The following NRXN3 variants were observed in gnomAD, a reference collection of about 807,000 sequenced individuals.
The protein encoded by NRXN3 is neurexin III.
NRXN3 carries 32 observed loss-of-function variants against 137.6 expected under a neutral mutation model. That is an observed-to-expected ratio of 0.23 (90% confidence interval 0.18 to 0.31). NRXN3 has a LOEUF of 0.31. NRXN3 is among the 10% of genes least tolerant of loss of function. The pLI is 1.00. For synonymous variants in NRXN3, 798 were observed against 784.5 expected (o/e 1.02, Z -0.29); for missense variants, 1,574 against 2,062.5 (o/e 0.76, Z 4.59).
chr14:79,633,847 C>G (rs763484448), intron 16 of NRXN3, among the ~76,000 whole-genome samples: 1 of 152,092 alleles, frequency 6.6e-6, no homozygotes, highest in Admixed American at 6.6e-5. Context: ...GCCAACTGGC[C>G]TGTTTTAACC....
intron 16 of NRXN3, among the ~76,000 whole-genome samples, chr14:79,468,243 A>G (rs1464009404): frequency 6.6e-6 from 1 of 152,234 alleles, no homozygotes; most frequent in East Asian, 1.9e-4. Context: ...TTCTTTTGTT[A>G]TAAGGATGGA....
chr14:78,188,000 T>C (rs1312506876), intron 1 of NRXN3, among the ~76,000 whole-genome samples: 1 of 152,142 alleles, frequency 6.6e-6, no homozygotes, highest in Non-Finnish European at 1.5e-5. Context: ...GAGTATTCGG[T>C]AAATTAACAC....
chr14:79,250,548 C>T (rs2075792234), intron 15 of NRXN3, among the ~76,000 whole-genome samples: 1 of 152,066 alleles, frequency 6.6e-6, no homozygotes, highest in African/African-American at 2.4e-5. Context: ...GTAAGGAAGC[C>T]AAGACACAAA....
intron 15 of NRXN3, among the ~76,000 whole-genome samples, chr14:79,205,638 G>C (rs2066678278): frequency 6.6e-6 from 1 of 152,124 alleles, no homozygotes; most frequent in African/African-American, 2.4e-5. Flanking sequence ...AGTCCTAATA[G>C]AGCATAATGG....
chr14:79,316,717 A>G (rs1024082621), intron 15 of NRXN3, among the ~76,000 whole-genome samples: 2 of 132,538 alleles, frequency 1.5e-5, no homozygotes, highest in African/African-American at 6.5e-5. Context: ...TCATCATGTA[A>G]TCTGTCCTGT....
chr14:78,513,492 A>G (rs551461917), intron 4 of NRXN3, among the ~76,000 whole-genome samples: 2 of 152,158 alleles, frequency 1.3e-5, no homozygotes, highest in Non-Finnish European at 2.9e-5. Flanking sequence ...ATTGTTAATT[A>G]TAGTTTTCGA....
intron 4 of NRXN3, among the ~76,000 whole-genome samples, chr14:78,477,116 A>C (rs1418206679): frequency 1.3e-5 from 2 of 152,106 alleles, no homozygotes; most frequent in Admixed American, 6.5e-5. Flanking sequence ...ATTCTCTTCT[A>C]TGTCTCTGGG....
At chr14:78,257,966 A>G (rs2069954109) in intron 2 of NRXN3, among the ~76,000 whole-genome samples, 1 of 152,158 alleles carries the variant, frequency 6.6e-6, no homozygotes, top group South Asian at 2.1e-4. Context: ...CTGATTGCAG[A>G]GATATCAAGG....
At chr14:79,134,017 T>C (rs1036624250) in intron 15 of NRXN3, among the ~76,000 whole-genome samples, 1 of 151,992 alleles carries the variant, frequency 6.6e-6, no homozygotes, top group African/African-American at 2.4e-5. Context: ...TGACAACCAG[T>C]GGTGTCCTCA....
At chr14:78,746,663 T>G (rs2098608829) in intron 8 of NRXN3, among the ~76,000 whole-genome samples, 1 of 152,166 alleles carries the variant, frequency 6.6e-6, no homozygotes, top group African/African-American at 2.4e-5. Flanking sequence ...AAATGTGAAC[T>G]AAATAGGACT....
At chr14:78,807,907 A>T (rs929375877) in intron 9 of NRXN3, among the ~76,000 whole-genome samples, 2 of 152,104 alleles carry the variant, frequency 1.3e-5, no homozygotes, top group African/African-American at 4.8e-5. Flanking sequence ...TTTTTCAAGC[A>T]AAAAGTCTGG....
At chr14:79,653,594 T>G (rs887820213) in intron 16 of NRXN3, among the ~76,000 whole-genome samples, 4 of 152,210 alleles carry the variant, frequency 2.6e-5, no homozygotes, top group African/African-American at 9.7e-5. Flanking sequence ...CAAACAGTGT[T>G]ATTTTGAGTT....
intron 15 of NRXN3, among the ~76,000 whole-genome samples, chr14:79,348,378 C>CTTT (rs10628515): frequency 0.026 from 3,563 of 135,930 alleles, 95 homozygotes; most frequent in African/African-American, 0.04. Context: ...AATCTTCTCT[C>CTTT]TTTTTTTTTT....
At chr14:79,324,076 A>C (rs1360437451) in intron 15 of NRXN3, among the ~76,000 whole-genome samples, 1 of 152,228 alleles carries the variant, frequency 6.6e-6, no homozygotes, top group African/African-American at 2.4e-5. Context: ...CAAAGAAACA[A>C]AGAGAGAAGT....
At chr14:78,296,449 A>G (rs527865165) in intron 3 of NRXN3, among the ~76,000 whole-genome samples, 13 of 152,234 alleles carry the variant, frequency 8.5e-5, no homozygotes, top group African/African-American at 2.9e-4. Flanking sequence ...CTTTATTTCT[A>G]TGGAAGTTTC....
chr14:78,908,821 T>A, intron 10 of NRXN3, among the ~76,000 whole-genome samples: 1 of 152,048 alleles, frequency 6.6e-6, no homozygotes, highest in Admixed American at 6.6e-5. Context: ...ATTGATTCTT[T>A]ATGAAAAGAA....
chr14:79,534,609 A>G (rs1359115294), intron 16 of NRXN3, among the ~76,000 whole-genome samples: 7 of 152,168 alleles, frequency 4.6e-5, no homozygotes. Flanking sequence ...GAGTTTAAAA[A>G]CAGATTCATG....
intron 17 of NRXN3, among the ~76,000 whole-genome samples, chr14:79,687,198 C>G (rs1170744076): frequency 6.6e-6 from 1 of 152,100 alleles, no homozygotes; most frequent in Non-Finnish European, 1.5e-5. Flanking sequence ...TTTATAAATA[C>G]AAGATATTAG....
chr14:78,996,202 T>C (rs1254586016), intron 15 of NRXN3, among the ~76,000 whole-genome samples: 1 of 152,178 alleles, frequency 6.6e-6, no homozygotes, highest in East Asian at 1.9e-4. Context: ...CACAATTACG[T>C]TTTTTAACCG....
Sources: allele counts gnomAD v4.1 joint callset (sites outside exome capture counted in the v4.1 genomes callset), GRCh38; gene constraint gnomAD v4.1.1; transcripts MANE v1.5; gene names NCBI Gene and HGNC (gene_info 2026-07-23, HGNC 2026-07-21).